Variants in KCNN2 observed in about 807,000 individuals in gnomAD.
The protein encoded by KCNN2 is potassium calcium-activated channel subfamily N member 2, also known as small conductance calcium-activated potassium channel protein 2.
In KCNN2, 24 loss-of-function variants were observed where a neutral mutation model predicts 55.5. The observed-to-expected ratio is 0.43, with a 90% CI of 0.31 to 0.61. The LOEUF (loss-of-function observed/expected upper bound fraction) is 0.61. KCNN2 is among the 20% of genes least tolerant of loss of function. KCNN2 has a pLI of 0.08. For synonymous variants in KCNN2, 431 were observed against 336.1 expected (o/e 1.28, Z -3.09); for missense variants, 754 against 853.6 (o/e 0.88, Z 1.45).
intron 1 of KCNN2, among the ~76,000 whole-genome samples, chr5:114,076,946 C>T (rs1362750984): frequency 5.3e-5 from 8 of 152,292 alleles, no homozygotes; most frequent in South Asian, 4.1e-4. Context: ...CCACCCACCT[C>T]GGCCTCCCAA....
At chr5:114,447,173 A>G (rs1760447089) in intron 3 of KCNN2, among the ~76,000 whole-genome samples, 1 of 152,190 alleles carries the variant, frequency 6.6e-6, no homozygotes, top group Non-Finnish European at 1.5e-5. Context: ...GAACACATGC[A>G]AATACTTATT....
chr5:114,272,221 CTA>C (rs1449251927), intron 2 of KCNN2, among the ~76,000 whole-genome samples: 1 of 151,418 alleles, frequency 6.6e-6, no homozygotes, highest in African/African-American at 2.4e-5. Flanking sequence ...ATACACTTAT[CTA>C]TGTGTGTATA....
Position 114,422,915 on chromosome 5 carries a change from G to A in KCNN2, c.1637+18059G>A, listed in dbSNP as rs6865045. 8.9e-3 allele frequency among the ~76,000 whole-genome samples: 1,362 copies of A among 152,286 alleles called. 21 individuals carry two copies. The highest frequency in any genetic ancestry group is 0.03 in the African/African-American group (1,266 of 41,562). Reference sequence around the variant, plus strand: ...TATAATAAGTTTTATCAGCCTTGGGGCTATTCTTTGGCCAGATACAGTCTT... The same window carrying A: ...TATAATAAGTTTTATCAGCCTTGGGACTATTCTTTGGCCAGATACAGTCTT... On this transcript the variant is annotated intron_variant, in intron 3 of 7. Coordinates refer to ENST00000673685, the MANE Select transcript of KCNN2 (RefSeq NM_021614.4).
rs1017885629 is a variant in KCNN2 at position 114,281,601 on chromosome 5, C to T, written c.-185+60036C>T. 4.3e-5 allele frequency among the ~76,000 whole-genome samples: 6 copies of T among 139,904 alleles called. No homozygotes were observed. The East Asian group carries it at 1.3e-3, about 30-fold the overall frequency. The allele number at this position is 139,904 out of a possible 152,430, so 91.8% of individuals were successfully genotyped here. A position where few individuals can be genotyped will look rare whatever the true frequency, so the allele number is the denominator to read the frequency against. ...CTCTTGTCAATCTCTGTCTCTCTCT[C>T]TCTCTCTCCCCGCCCCTCCATCTCT... On this transcript the variant is annotated intron_variant, in intron 2 of 10. Transcript: ENST00000512097.
chr5:114,195,760 A>C (rs1235491944), intron 1 of KCNN2, among the ~76,000 whole-genome samples: 4 of 152,014 alleles, frequency 2.6e-5, no homozygotes, highest in African/African-American at 9.7e-5. Context: ...TCTTGTTCCT[A>C]ATTTTAGAAG....
intron 1 of KCNN2, among the ~76,000 whole-genome samples, chr5:114,126,102 T>C (rs1751925766): frequency 6.6e-6 from 1 of 152,150 alleles, no homozygotes; most frequent in African/African-American, 2.4e-5. Flanking sequence ...TCTCTTCACA[T>C]CATTTTCCAG....
At chr5:114,336,628 T>C (rs1756929045) in intron 2 of KCNN2, among the ~76,000 whole-genome samples, 1 of 152,190 alleles carries the variant, frequency 6.6e-6, no homozygotes, top group Admixed American at 6.5e-5. Flanking sequence ...TGTTTATCTT[T>C]ATGAAGAATC....
intron 1 of KCNN2, among the ~76,000 whole-genome samples, chr5:114,126,241 G>A (rs1201675037): frequency 6.6e-6 from 1 of 152,020 alleles, no homozygotes; most frequent in East Asian, 1.9e-4. Context: ...TGCTGAATAA[G>A]GTCACTATAT....
At chr5:114,448,145 A>C (rs1324940105) in intron 3 of KCNN2, among the ~76,000 whole-genome samples, 1 of 151,728 alleles carries the variant, frequency 6.6e-6, no homozygotes, top group African/African-American at 2.4e-5. Flanking sequence ...AGTTATTTTC[A>C]CTCTTTTATT....
intron 2 of KCNN2, among the ~76,000 whole-genome samples, chr5:114,259,419 G>A (rs1468113034): frequency 6.6e-6 from 1 of 152,170 alleles, no homozygotes; most frequent in East Asian, 1.9e-4. Context: ...TGATGGCTGT[G>A]CCTCAGTAGG....
At chr5:114,094,080 T>G (rs534570017) in intron 1 of KCNN2, among the ~76,000 whole-genome samples, 1 of 152,168 alleles carries the variant, frequency 6.6e-6, no homozygotes, top group African/African-American at 2.4e-5. Context: ...TATTTGTTTG[T>G]TTGGGTTGTT....
intron 2 of KCNN2, among the ~76,000 whole-genome samples, chr5:114,355,861 C>G (rs1476000909): frequency 6.6e-6 from 1 of 152,166 alleles, no homozygotes; most frequent in Non-Finnish European, 1.5e-5. Flanking sequence ...ACATCAGTAT[C>G]TGTATTTTTA....
At chr5:114,075,861 A>G (rs1448997211) in intron 1 of KCNN2, among the ~76,000 whole-genome samples, 2 of 152,190 alleles carry the variant, frequency 1.3e-5, no homozygotes, top group Non-Finnish European at 2.9e-5. Context: ...GGATGATGAA[A>G]GAATACCTGG....
intron 2 of KCNN2, among the ~76,000 whole-genome samples, chr5:114,403,258 C>T (rs1238978482): frequency 6.6e-6 from 1 of 152,072 alleles, no homozygotes; most frequent in Non-Finnish European, 1.5e-5. Context: ...TTGATTTTTG[C>T]ACACTGCCGG....
intron 5 of KCNN2, among the ~76,000 whole-genome samples, chr5:114,484,645 T>C (rs1422644231): frequency 1.3e-5 from 2 of 152,166 alleles, no homozygotes; most frequent in East Asian, 3.9e-4. Context: ...AAGACCCTAC[T>C]ATTAGAAACA....
chr5:114,345,229 C>G (rs1757085360), intron 2 of KCNN2, among the ~76,000 whole-genome samples: 1 of 152,090 alleles, frequency 6.6e-6, no homozygotes, highest in African/African-American at 2.4e-5. Context: ...AAAGAATACA[C>G]TACTCTTTGT....
intron 3 of KCNN2, among the ~76,000 whole-genome samples, chr5:114,448,149 T>C (rs1276672006): frequency 2.0e-5 from 3 of 152,244 alleles, no homozygotes; most frequent in South Asian, 4.1e-4. Flanking sequence ...ATTTTCACTC[T>C]TTTATTCACT....
chr5:114,289,251 T>C (rs1178386685), intron 2 of KCNN2, among the ~76,000 whole-genome samples: 1 of 152,198 alleles, frequency 6.6e-6, no homozygotes. Flanking sequence ...GCCATAACTT[T>C]ATGTTTTGAA....
rs142649789 is a variant in KCNN2, at chr5:114,367,742, C to T, written c.1218+3741C>T. Among the ~76,000 whole-genome samples the T allele has an allele frequency of 2.7e-4, 41 of 151,962 alleles. 1 individual carries two copies. Among genetic ancestry groups the T allele is most frequent in the African/African-American group, 9.6e-4 (40 of 41,452 alleles). ...ACGGAGTTCAACTATCCTTTAAGAT[C>T]TTCAGCATCTGAAATTTTCAGTGTA... On this transcript the variant is annotated intron_variant, in intron 2 of 7. Coordinates refer to ENST00000673685, the MANE Select transcript of KCNN2 (RefSeq NM_021614.4).
Sources: gnomAD v4.1 joint callset for allele counts (sites outside exome capture counted in the v4.1 genomes callset) on GRCh38, gnomAD v4.1.1 for gene constraint, MANE v1.5 for transcripts, NCBI Gene and HGNC (gene_info 2026-07-23, HGNC 2026-07-21) for gene names.